The following C3orf70 variants were observed in gnomAD, a reference collection of about 807,000 sequenced individuals.
C3orf70 encodes the protein chromosome 3 open reading frame 70, also known as UPF0524 protein C3orf70.
In C3orf70, 15 loss-of-function variants were observed where a neutral mutation model predicts 20.7. The observed-to-expected ratio is 0.72, with a 90% CI of 0.48 to 1.11. The LOEUF is 1.11. Ranked by LOEUF, C3orf70 falls within the 50% of genes most tolerant of loss-of-function variation. C3orf70 has a pLI of 0.00. For missense variants in C3orf70, 332 were observed against 317.6 expected (o/e 1.05, Z -0.34); for synonymous variants, 161 against 125.7 (o/e 1.28, Z -1.88).
intron 1 of C3orf70, 32 bp from the exon 2 acceptor site, chr3:185,083,595 A>C (rs200268585): frequency 5.3e-6 from 8 of 1,517,662 alleles, no homozygotes; most frequent in Non-Finnish European, 7.1e-6. Context: ...CTTGAAATCT[A>C]TATTACACAA....
At chr3:185,093,834 C>CT (rs1045198365) in intron 1 of C3orf70, among the ~76,000 whole-genome samples, 1 of 152,002 alleles carries the variant, frequency 6.6e-6, no homozygotes, top group African/African-American at 2.4e-5. Flanking sequence ...CTGAATGGAG[C>CT]TCTCCTATGA....
chr3:185,097,889 G>A (rs1362336604), intron 1 of C3orf70, among the ~76,000 whole-genome samples: 1 of 152,174 alleles, frequency 6.6e-6, no homozygotes, highest in Admixed American at 6.5e-5. Context: ...ATTTGTCCAC[G>A]TTATGTGTGT....
intron 1 of C3orf70, among the ~76,000 whole-genome samples, chr3:185,147,801 C>T (rs1329494307): frequency 1.3e-5 from 2 of 152,238 alleles, no homozygotes; most frequent in African/African-American, 4.8e-5. Context: ...ACAGCTTTGA[C>T]TAATGCTTCA....
At chr3:185,095,919 T>G (rs1301978732) in intron 1 of C3orf70, among the ~76,000 whole-genome samples, 1 of 152,012 alleles carries the variant, frequency 6.6e-6, no homozygotes, top group Admixed American at 6.5e-5. Flanking sequence ...TGCATTTTAG[T>G]AGAGACGGGG....
Position 185,095,554 on chromosome 3 carries a change from C to G in C3orf70, c.197-11991G>C, listed in dbSNP as rs544261025. Among the ~76,000 whole-genome samples the G allele has an allele frequency of 3.3e-5, 5 of 152,188 alleles. No homozygotes were observed. The South Asian group carries it at 1.0e-3, about 32-fold the overall frequency. On this transcript the variant is annotated intron_variant, in intron 1 of 1. Transcript: ENST00000335012. The stretch of plus-strand genomic sequence containing the variant: ...CAAGAAAAGGGTGCTAACAAGTCAG[C>G]CTGATTTAAGAAAAAGAAGATCTTG...
rs1485712221 is a variant in C3orf70 at position 185,078,584 on chromosome 3, C to T, written c.*4423G>A. On this transcript the variant is annotated 3_prime_UTR_variant, in exon 2 of 2. Transcript: ENST00000335012. ...CGTGTGTGGAACTCCCACTGGCTTC[C>T]CCCTTCTTCCCTCCTCCTCAGTGGG... 2 of 152,204 alleles carry T rather than the reference C, an allele frequency of 1.3e-5. No individual in the cohort carries two copies. Among genetic ancestry groups the T allele is most frequent in the African/African-American group, 4.8e-5 (2 of 41,442 alleles). 9.4% of individuals were successfully genotyped at this position (152,204 alleles called of 1,614,324 possible).
chr3:185,116,543 T>G (rs1373466004), intron 1 of C3orf70, among the ~76,000 whole-genome samples: 1 of 152,206 alleles, frequency 6.6e-6, no homozygotes, highest in African/African-American at 2.4e-5. Context: ...GACCTCTTGC[T>G]CACTAGAAAT....
intron 1 of C3orf70, among the ~76,000 whole-genome samples, chr3:185,116,469 T>A (rs527812685): frequency 2.3e-4 from 35 of 152,358 alleles, no homozygotes; most frequent in African/African-American, 8.4e-4. Context: ...TTATTTACGT[T>A]TTAGGCTGGA....
chr3:185,120,169 T>G (rs1716268787), intron 1 of C3orf70, among the ~76,000 whole-genome samples: 1 of 152,226 alleles, frequency 6.6e-6, no homozygotes, highest in South Asian at 2.1e-4. Flanking sequence ...AATACATTTC[T>G]GTCTAACGGT....
In C3orf70 at chr3:185,152,887, G is replaced by T; in HGVS notation, c.-64C>A. ...GGAGAAGCGACGTCTGGGTGGGCAG[G>T]AAGCCGAGCCGGCTGCGGACGCGGG... On this transcript the variant is annotated 5_prime_UTR_variant, in exon 1 of 2. Transcript: ENST00000335012. The T allele has an allele frequency of 1.4e-6, 2 of 1,382,980 alleles. No homozygotes were observed. The highest frequency in any genetic ancestry group is 1.9e-6 in the Non-Finnish European group (2 of 1,060,012). The allele number at this position is 1,382,980 out of a possible 1,614,324, so 85.7% of individuals were successfully genotyped here. A position where few individuals can be genotyped will look rare whatever the true frequency, so the allele number is the denominator to read the frequency against.
At chr3:185,123,782 TTC>T (rs1431342680) in intron 1 of C3orf70, among the ~76,000 whole-genome samples, 2 of 152,210 alleles carry the variant, frequency 1.3e-5, no homozygotes, top group African/African-American at 4.8e-5. Context: ...CTATGAAGTA[TTC>T]TGTCATGTTT....
At chr3:185,120,033 A>AAAAAGAAAAAGAAAG (rs1716263651) in intron 1 of C3orf70, among the ~76,000 whole-genome samples, 6 of 100,746 alleles carry the variant, frequency 6.0e-5, no homozygotes, top group Admixed American at 1.2e-4. Flanking sequence ...AAAAAAAAAA[A>AAAAAGAAAAAGAAAG]AAAAAGAAAA....
At chr3:185,128,842 C>A (rs778510389) in intron 1 of C3orf70, among the ~76,000 whole-genome samples, 1 of 152,128 alleles carries the variant, frequency 6.6e-6, no homozygotes. Flanking sequence ...ATGAAACAGA[C>A]GATCTCAAGG....
At chr3:185,128,140 T>C (rs1034345150) in intron 1 of C3orf70, among the ~76,000 whole-genome samples, 1 of 152,204 alleles carries the variant, frequency 6.6e-6, no homozygotes, top group Non-Finnish European at 1.5e-5. Flanking sequence ...AACCTGACAA[T>C]GGTCCTCACT....
rs1005892119 is a variant in C3orf70, at chr3:185,080,660, G to C, written c.*2347C>G. ...ACTGCTGTGGCCTGACACACGGCTTGCAGGCATTTGGCTTCCACACCTGCC... is the reference window on the plus strand; with the variant it reads ...ACTGCTGTGGCCTGACACACGGCTTCCAGGCATTTGGCTTCCACACCTGCC... On this transcript the variant is annotated 3_prime_UTR_variant, in exon 2 of 2. Transcript: ENST00000335012. 1 of 152,292 alleles carries C rather than the reference G, an allele frequency of 6.6e-6. No individual in the cohort carries two copies. The highest frequency in any genetic ancestry group is 2.4e-5 in the African/African-American group (1 of 41,450). 9.4% of individuals were successfully genotyped at this position (152,292 alleles called of 1,614,324 possible).
intron 1 of C3orf70, among the ~76,000 whole-genome samples, chr3:185,124,036 CT>C (rs1233779227): frequency 1.3e-5 from 2 of 152,098 alleles, no homozygotes; most frequent in Non-Finnish European, 2.9e-5. Context: ...CATGTATAGA[CT>C]TTTTTCTTGT....
chr3:185,096,010 C>T (rs912764539), intron 1 of C3orf70, among the ~76,000 whole-genome samples: 6 of 152,120 alleles, frequency 3.9e-5, no homozygotes, highest in Non-Finnish European at 8.8e-5. Context: ...GCTGGGATTA[C>T]AGGCGTGAAC....
intron 1 of C3orf70, among the ~76,000 whole-genome samples, chr3:185,143,630 A>C (rs1319129537): frequency 3.9e-5 from 6 of 152,186 alleles, no homozygotes; most frequent in African/African-American, 1.4e-4. Flanking sequence ...AGCAAAGGAA[A>C]AATCCTGTGA....
chr3:185,123,507 CTTT>C (rs35575125), intron 1 of C3orf70, among the ~76,000 whole-genome samples: 3 of 140,214 alleles, frequency 2.1e-5, no homozygotes, highest in Admixed American at 7.2e-5. Context: ...TTTTTCTTTC[CTTT>C]TTTTTTTTTT....
Sources: gnomAD v4.1 joint callset for allele counts (sites outside exome capture counted in the v4.1 genomes callset) on GRCh38, gnomAD v4.1.1 for gene constraint, MANE v1.5 for transcripts, NCBI Gene and HGNC (gene_info 2026-07-23, HGNC 2026-07-21) for gene names.